The following RAD51B variants were observed in gnomAD, a reference collection of about 807,000 sequenced individuals.
RAD51B encodes the protein DNA repair protein RAD51 homolog 2.
RAD51B carries 38 observed loss-of-function variants against 42.2 expected under a neutral mutation model. The observed-to-expected ratio is 0.90, with a 90% CI of 0.70 to 1.18. The LOEUF is 1.18. Ranked by LOEUF, RAD51B falls within the 50% of genes most tolerant of loss-of-function variation. The pLI is 0.00. For synonymous variants in RAD51B, 154 were observed against 145.2 expected, an observed-to-expected ratio of 1.06 and a Z score of -0.43; for missense variants, 373 against 400.7, an observed-to-expected ratio of 0.93 and a Z score of 0.59.
intron 10 of RAD51B, among the ~76,000 whole-genome samples, chr14:68,608,246 A>G (rs1255983181): frequency 6.6e-6 from 1 of 152,214 alleles, no homozygotes; most frequent in Non-Finnish European, 1.5e-5. Context: ...TCCAAACTGA[A>G]GCTCACCAGG....
chr14:67,866,606 G>C (rs1031218291), intron 5 of RAD51B, among the ~76,000 whole-genome samples: 3 of 152,192 alleles, frequency 2.0e-5, no homozygotes, highest in African/African-American at 7.2e-5. Context: ...TCTTAAGGAG[G>C]AAACTGTTGC....
intron 9 of RAD51B, chr14:68,421,768 T>A: frequency 6.3e-7 from 1 of 1,597,816 alleles, no homozygotes; most frequent in Non-Finnish European, 8.5e-7. Context: ...CCCAAAGCAC[T>A]CCATGCCTCC....
At chr14:68,450,644 C>G (rs1454902017) in intron 9 of RAD51B, among the ~76,000 whole-genome samples, 2 of 152,180 alleles carry the variant, frequency 1.3e-5, no homozygotes, top group Non-Finnish European at 2.9e-5. Flanking sequence ...TTTTCTCACT[C>G]AGAACCACTG....
intron 7 of RAD51B, among the ~76,000 whole-genome samples, chr14:67,958,379 G>A (rs1203322424): frequency 1.3e-5 from 2 of 152,122 alleles, no homozygotes; most frequent in Non-Finnish European, 2.9e-5. Context: ...TAGGCAGCAG[G>A]CTTTTGCAAA....
intron 7 of RAD51B, among the ~76,000 whole-genome samples, chr14:68,119,079 TC>T (rs2077598566): frequency 6.6e-6 from 1 of 151,790 alleles, no homozygotes; most frequent in Admixed American, 6.6e-5. Flanking sequence ...CACCTCAGTC[TC>T]CCCACGTACA....
At chr14:68,632,914 T>TACTCAGGAGTA (rs1158663142) in intron 10 of RAD51B, among the ~76,000 whole-genome samples, 2 of 150,564 alleles carry the variant, frequency 1.3e-5, no homozygotes, top group African/African-American at 4.9e-5. Context: ...TAGCTGGTAC[T>TACTCAGGAGTA]GTAAGCACAC....
At chr14:68,645,864 G>A (rs1892554315) in intron 10 of RAD51B, among the ~76,000 whole-genome samples, 1 of 152,008 alleles carries the variant, frequency 6.6e-6, no homozygotes, top group Admixed American at 6.6e-5. Context: ...CAGAGAATTT[G>A]TGCATAAATT....
chr14:68,395,071 T>C (rs28718516), intron 8 of RAD51B, among the ~76,000 whole-genome samples: 153 of 152,334 alleles, frequency 1.0e-3, no homozygotes, highest in African/African-American at 3.6e-3. Flanking sequence ...CTTCAGGCTT[T>C]GAGGGCCACA....
At chr14:68,293,546 G>T (rs1339603029) in intron 8 of RAD51B, among the ~76,000 whole-genome samples, 1 of 152,084 alleles carries the variant, frequency 6.6e-6, no homozygotes, top group Non-Finnish European at 1.5e-5. Context: ...CCTATGCCAA[G>T]TGTGCCACTC....
intron 10 of RAD51B, among the ~76,000 whole-genome samples, chr14:68,492,769 C>T (rs944898812): frequency 6.6e-6 from 1 of 152,182 alleles, no homozygotes; most frequent in Non-Finnish European, 1.5e-5. Context: ...ATGAAACTGT[C>T]AACCCTTCTA....
At chr14:68,574,877 G>A (rs779045915) in intron 10 of RAD51B, among the ~76,000 whole-genome samples, 5 of 152,240 alleles carry the variant, frequency 3.3e-5, no homozygotes, top group Non-Finnish European at 7.3e-5. Flanking sequence ...TTGGTCTCCA[G>A]TAGCTATGAA....
At chr14:68,364,132 C>T (rs1374090510) in intron 8 of RAD51B, among the ~76,000 whole-genome samples, 1 of 152,232 alleles carries the variant, frequency 6.6e-6, no homozygotes, top group African/African-American at 2.4e-5. Flanking sequence ...CTTCCGCCTC[C>T]ATCCTCCCTG....
chr14:68,594,819 G>T (rs771577950), exon 11 of RAD51B: 109 of 1,223,796 alleles, frequency 8.9e-5, no homozygotes, highest in Admixed American at 1.7e-4. Context: ...GGAGTGACAG[G>T]TGACCTGCTC....
rs1396317596 is a variant in RAD51B at position 68,465,958 on chromosome 14, ATAAAT to A, written c.958-2213_958-2209del. Among the ~76,000 whole-genome samples the A allele has an allele frequency of 2.3e-3, 249 of 109,642 alleles. 2 individuals are homozygous for A. The highest frequency in any genetic ancestry group is 5.8e-3 in the African/African-American group (200 of 34,508). 71.9% of individuals were successfully genotyped at this position (109,642 alleles called of 152,430 possible). Reference sequence around the variant, plus strand: ...TCTGTCTCAAAAAAAAAAAAAATAAATAAATAAATAAATAAATAAATAAATAAATA... The same window carrying A: ...TCTGTCTCAAAAAAAAAAAAAATAAAAAATAAATAAATAAATAAATAAATA... On this transcript the variant is annotated intron_variant, in intron 9 of 10. Coordinates refer to ENST00000471583, the MANE Select transcript of RAD51B (RefSeq NM_133510.4).
exon 11 of RAD51B, chr14:68,595,946 A>G (rs965907862): frequency 2.2e-6 from 1 of 462,862 alleles, no homozygotes; most frequent in East Asian, 6.4e-5. Flanking sequence ...CTTTTTTGGA[A>G]TTGTCTTTTT....
At chr14:67,923,513 G>T (rs956391066) in intron 7 of RAD51B, among the ~76,000 whole-genome samples, 1 of 151,758 alleles carries the variant, frequency 6.6e-6, no homozygotes, top group Non-Finnish European at 1.5e-5. Flanking sequence ...TGTTCAGGCT[G>T]GTCTTGAACT....
intron 10 of RAD51B, chr14:68,497,242 C>G: frequency 7.3e-7 from 1 of 1,361,566 alleles, no homozygotes; most frequent in Non-Finnish European, 9.7e-7. Context: ...AAACACCCAT[C>G]GTTCTCTGCT....
intron 7 of RAD51B, among the ~76,000 whole-genome samples, chr14:68,106,865 A>G (rs1001846763): frequency 6.6e-6 from 1 of 151,916 alleles, no homozygotes; most frequent in African/African-American, 2.4e-5. Flanking sequence ...AATACATAAT[A>G]GTTAACAAGA....
At chr14:68,554,573 C>A (rs1888734518) in intron 10 of RAD51B, among the ~76,000 whole-genome samples, 1 of 152,192 alleles carries the variant, frequency 6.6e-6, no homozygotes, top group African/African-American at 2.4e-5. Context: ...TAATGGCAAC[C>A]CCCGCCCCAC....
Sources: gnomAD v4.1 joint callset for allele counts (sites outside exome capture counted in the v4.1 genomes callset) on GRCh38, gnomAD v4.1.1 for gene constraint, MANE v1.5 for transcripts, NCBI Gene and HGNC (gene_info 2026-07-23, HGNC 2026-07-21) for gene names.